Variants in SH3PXD2A observed in about 807,000 individuals in gnomAD.
The protein encoded by SH3PXD2A is SH3 and PX domains 2A.
SH3PXD2A carries 32 observed loss-of-function variants against 115.2 expected under a neutral mutation model. The observed-to-expected ratio is 0.28, with a 90% CI of 0.21 to 0.37. The LOEUF (loss-of-function observed/expected upper bound fraction) is 0.37, where lower values mean the gene tolerates loss of function less well. SH3PXD2A is among the 10% of genes least tolerant of loss of function. SH3PXD2A has a pLI of 1.00. For missense variants in SH3PXD2A, 1,328 were observed against 1,498.7 expected (o/e 0.89, Z 1.88); for synonymous variants, 610 against 629.1 (o/e 0.97, Z 0.45).
chr10:103,773,224 C>CAA (rs386372322), intron 2 of SH3PXD2A, among the ~76,000 whole-genome samples: 41,688 of 114,282 alleles, frequency 0.36, 7,199 homozygotes, highest in Middle Eastern at 0.44. Flanking sequence ...AACTCTGTCT[C>CAA]AAAAAAAAAA....
intron 3 of SH3PXD2A, 123 bp from the exon 4 acceptor site, chr10:103,735,931 C>T (rs552820011): frequency 1.1e-4 from 86 of 800,266 alleles, no homozygotes; most frequent in African/African-American, 1.0e-3. Flanking sequence ...ACCCCGTCCA[C>T]GGTCAAGGAA....
At chr10:103,733,707 T>C (rs1216205050) in intron 4 of SH3PXD2A, among the ~76,000 whole-genome samples, 2 of 152,232 alleles carry the variant, frequency 1.3e-5, no homozygotes, top group East Asian at 3.8e-4. Context: ...TTTCTTCCTA[T>C]AGGCTTGGGA....
At chr10:103,718,928 A>G (rs572328051) in intron 5 of SH3PXD2A, among the ~76,000 whole-genome samples, 2 of 152,292 alleles carry the variant, frequency 1.3e-5, no homozygotes, top group South Asian at 4.1e-4. Flanking sequence ...TGATTAGGCT[A>G]TGGTCATTAG....
At chr10:103,704,660 C>T (rs929952928) in intron 5 of SH3PXD2A, among the ~76,000 whole-genome samples, 8 of 152,358 alleles carry the variant, frequency 5.3e-5, no homozygotes, top group Middle Eastern at 3.4e-3. Flanking sequence ...GCACTCAAAA[C>T]GCAGGACAAA....
At chr10:103,833,283 T>C (rs1271596330) in intron 1 of SH3PXD2A, among the ~76,000 whole-genome samples, 3 of 152,212 alleles carry the variant, frequency 2.0e-5, no homozygotes. Context: ...GTATGAGGGA[T>C]CCACAATGGT....
At chr10:103,787,450 CT>C (rs2038991288) in intron 2 of SH3PXD2A, among the ~76,000 whole-genome samples, 1 of 152,210 alleles carries the variant, frequency 6.6e-6, no homozygotes, top group Admixed American at 6.5e-5. Context: ...TGGCCCCAGT[CT>C]CTTCTGTCTT....
At chr10:103,728,193 T>C (rs765150072) in intron 4 of SH3PXD2A, among the ~76,000 whole-genome samples, 6 of 152,222 alleles carry the variant, frequency 3.9e-5, no homozygotes, top group Non-Finnish European at 7.3e-5. Context: ...CTGCCATTTA[T>C]GGGCTGTGTG....
chr10:103,649,364 C>A (rs992188961), intron 8 of SH3PXD2A, among the ~76,000 whole-genome samples: 2 of 152,184 alleles, frequency 1.3e-5, no homozygotes, highest in Non-Finnish European at 2.9e-5. Flanking sequence ...GGTGGCTGAG[C>A]TTAGAGTCTG....
At chr10:103,796,563 A>G (rs1313233930) in intron 2 of SH3PXD2A, among the ~76,000 whole-genome samples, 2 of 151,630 alleles carry the variant, frequency 1.3e-5, no homozygotes, top group Admixed American at 1.3e-4. Context: ...CGAGATGTAG[A>G]CTCCTGGCAG....
intron 6 of SH3PXD2A, among the ~76,000 whole-genome samples, chr10:103,680,761 T>C (rs1049154508): frequency 2.6e-5 from 4 of 152,194 alleles, no homozygotes; most frequent in African/African-American, 7.2e-5. Flanking sequence ...AAAGCATGAT[T>C]TTCCTGTAAA....
intron 8 of SH3PXD2A, among the ~76,000 whole-genome samples, chr10:103,639,956 G>A (rs556272989): frequency 9.8e-5 from 15 of 152,310 alleles, no homozygotes; most frequent in Non-Finnish European, 1.9e-4. Flanking sequence ...GTGGAGCCCT[G>A]AGGACATGCT....
intron 8 of SH3PXD2A, among the ~76,000 whole-genome samples, chr10:103,645,384 G>A (rs920820929): frequency 1.1e-4 from 16 of 152,196 alleles, no homozygotes; most frequent in African/African-American, 3.9e-4. Context: ...TTGGGGAAAT[G>A]ACTTCGACCC....
intron 1 of SH3PXD2A, among the ~76,000 whole-genome samples, chr10:103,848,634 C>A (rs1444001020): frequency 6.6e-6 from 1 of 152,174 alleles, no homozygotes; most frequent in East Asian, 1.9e-4. Flanking sequence ...CCACCTCCAG[C>A]ACCTTTGCTT....
At chr10:103,838,603 A>T (rs1273044687) in intron 1 of SH3PXD2A, among the ~76,000 whole-genome samples, 2 of 152,172 alleles carry the variant, frequency 1.3e-5, no homozygotes, top group African/African-American at 4.8e-5. Flanking sequence ...GAATGGAGCT[A>T]CCATTGCCCT....
rs2036118788 is a variant in SH3PXD2A at position 103,595,442 on chromosome 10, C to T, written c.*6374G>A. The T allele has an allele frequency of 6.6e-6, 1 of 152,236 alleles. No individual in the cohort carries two copies. The highest frequency in any genetic ancestry group is 2.4e-5 in the African/African-American group (1 of 41,454). 9.4% of individuals were successfully genotyped at this position (152,236 alleles called of 1,614,324 possible). On this transcript the variant is annotated 3_prime_UTR_variant, in exon 15 of 15. Transcript: ENST00000369774. The stretch of plus-strand genomic sequence containing the variant: ...ACATCCGCTTCTGGAAGCCTCCTTC[C>T]CTAATGAAGGGACAGTAGGCCCCAG...
At chr10:103,661,669 G>A in intron 7 of SH3PXD2A, 2 of 985,208 alleles carry the variant, frequency 2.0e-6, no homozygotes, top group Non-Finnish European at 2.4e-6. Flanking sequence ...TCCCTCGGGC[G>A]GGAGAGGGAG....
intron 4 of SH3PXD2A, among the ~76,000 whole-genome samples, chr10:103,726,040 T>C (rs1245727602): frequency 6.6e-6 from 1 of 152,050 alleles, no homozygotes; most frequent in African/African-American, 2.4e-5. Flanking sequence ...GGAGAAATAC[T>C]GGGGCAAGGA....
At chr10:103,608,975 A>G (rs1036453602) in intron 13 of SH3PXD2A, 1 of 151,968 alleles carries the variant, frequency 6.6e-6, no homozygotes. Context: ...CCCCATTTCT[A>G]CCACACACAC....
intron 1 of SH3PXD2A, among the ~76,000 whole-genome samples, chr10:103,814,484 A>G (rs887988289): frequency 6.6e-6 from 1 of 152,224 alleles, no homozygotes; most frequent in African/African-American, 2.4e-5. Flanking sequence ...ATGGGGAAGC[A>G]GGTCTCTGTC....
Sources: allele counts gnomAD v4.1 joint callset (sites outside exome capture counted in the v4.1 genomes callset), GRCh38; gene constraint gnomAD v4.1.1; transcripts MANE v1.5; gene names NCBI Gene and HGNC (gene_info 2026-07-23, HGNC 2026-07-21).